IGSF21: variants seen among roughly 807,000 people sequenced by gnomAD.
The protein encoded by IGSF21 is immunoglobin superfamily member 21.
Under a neutral mutation model 46.8 loss-of-function variants are expected in IGSF21, and 28 were observed. That is an observed-to-expected ratio of 0.60 (90% CI 0.44 to 0.82). The LOEUF (loss-of-function observed/expected upper bound fraction) is 0.82, where lower values mean the gene tolerates loss of function less well. Among genes scored for constraint, IGSF21 ranks in the 40% least tolerant of loss-of-function variants. IGSF21 has a pLI of 0.00. For synonymous variants in IGSF21, 284 were observed against 273.6 expected (o/e 1.04, Z -0.38); for missense variants, 624 against 665.5 (o/e 0.94, Z 0.69).
chr1:18,142,458 T>G (rs780693557), intron 1 of IGSF21, among the ~76,000 whole-genome samples: 15 of 152,184 alleles, frequency 9.9e-5, no homozygotes, highest in Admixed American at 3.9e-4. Context: ...CTTGATCACC[T>G]GATGGTTCTT....
chr1:18,239,334 C>G (rs2084703178), intron 2 of IGSF21, among the ~76,000 whole-genome samples: 1 of 152,232 alleles, frequency 6.6e-6, no homozygotes, highest in African/African-American at 2.4e-5. Flanking sequence ...CCCTCCTCTC[C>G]CCACATTTTC....
chr1:18,282,705 G>T (rs899232236), intron 2 of IGSF21, among the ~76,000 whole-genome samples: 4 of 151,698 alleles, frequency 2.6e-5, no homozygotes, highest in African/African-American at 9.7e-5. Context: ...GAGGAGCAGG[G>T]TATATAATTG....
chr1:18,110,941 G>T (rs1355622872), intron 1 of IGSF21: 1 of 152,314 alleles, frequency 6.6e-6, no homozygotes, highest in Non-Finnish European at 1.5e-5. Context: ...CCCAGCCGGG[G>T]GTCTCCGGGA....
chr1:18,190,294 G>A (rs147747372), intron 1 of IGSF21, among the ~76,000 whole-genome samples: 22 of 152,258 alleles, frequency 1.4e-4, no homozygotes, highest in South Asian at 4.2e-4. Flanking sequence ...TGAGAGTACC[G>A]CAATCTCCTG....
chr1:18,349,894 TA>T lies in IGSF21; in HGVS notation c.425-12211del, dbSNP rs55887200. The stretch of plus-strand genomic sequence containing the variant: ...GACAACATAGGGAGACCCCATCTCT[TA>T]AAAAAAAAACCACTAAATTACAAAT... On this transcript the variant is annotated intron_variant, in intron 4 of 9. Coordinates refer to ENST00000251296, the MANE Select transcript of IGSF21 (RefSeq NM_032880.5). Among the ~76,000 whole-genome samples the T allele has an allele frequency of 1.9e-3, 287 of 148,696 alleles. 1 individual carries two copies. Among genetic ancestry groups the T allele is most frequent in the Non-Finnish European group, 2.9e-3 (193 of 67,072 alleles).
rs546098202 is a variant in IGSF21, at chr1:18,351,713, G to C, written c.425-10402G>C. Among the ~76,000 whole-genome samples the C allele has an allele frequency of 7.9e-5, 12 of 152,306 alleles. No individual in the cohort carries two copies. The South Asian group carries it at 2.5e-3, about 32-fold the overall frequency. On this transcript the variant is annotated intron_variant, in intron 4 of 9. Coordinates refer to ENST00000251296, the MANE Select transcript of IGSF21 (RefSeq NM_032880.5). ...TATGGTACCTGGTGAAATCGCCCGT[G>C]TGTGTAATACTCACCTCTCAGATAT... is the stretch of plus-strand genomic sequence containing the variant.
At chr1:18,154,516 T>C (rs1457189518) in intron 1 of IGSF21, among the ~76,000 whole-genome samples, 1 of 152,010 alleles carries the variant, frequency 6.6e-6, no homozygotes, top group Non-Finnish European at 1.5e-5. Flanking sequence ...GGCTCTGCCC[T>C]GAGAGAAGCT....
In IGSF21 at chr1:18,334,439, C is replaced by T. The variant is rs1437253250; in HGVS notation, c.306-453C>T. ...TGAGTTCCGTCCTGAGCCTCAGTTT[C>T]CTTGTTTATGAAATGGGAATATGGA... is the stretch of plus-strand genomic sequence containing the variant. On this transcript the variant is annotated intron_variant, in intron 3 of 9. Transcript: ENST00000251296. The surrounding 1 kb of genome is among the most constrained non-coding windows in gnomAD (Gnocchi z 4.3). 6.6e-6 allele frequency among the ~76,000 whole-genome samples: 1 copy of T among 152,134 alleles called. No homozygotes were observed. The highest frequency in any genetic ancestry group is 1.9e-4 in the East Asian group (1 of 5,188).
chr1:18,367,500 AACCACTGAACTCACC>A (rs1309644129), intron 6 of IGSF21, among the ~76,000 whole-genome samples: 1 of 151,764 alleles, frequency 6.6e-6, no homozygotes, highest in Non-Finnish European at 1.5e-5. Flanking sequence ...CTACCATGCC[AACCACTGAACTCACC>A]AGCCCCAGGA....
chr1:18,155,241 C>A (rs2086557622), intron 1 of IGSF21, among the ~76,000 whole-genome samples: 1 of 152,188 alleles, frequency 6.6e-6, no homozygotes, highest in South Asian at 2.1e-4. Flanking sequence ...CCTGTTACAC[C>A]TGGCACCCAG....
intron 3 of IGSF21, among the ~76,000 whole-genome samples, chr1:18,304,365 G>A (rs1199361897): frequency 6.6e-6 from 1 of 152,130 alleles, no homozygotes; most frequent in South Asian, 2.1e-4. Context: ...ACAAATATGG[G>A]AGCCACCAAC....
intron 2 of IGSF21, among the ~76,000 whole-genome samples, chr1:18,243,257 C>T (rs2084750938): frequency 6.6e-6 from 1 of 152,158 alleles, no homozygotes; most frequent in Non-Finnish European, 1.5e-5. Flanking sequence ...TGCATTTCTT[C>T]CCTAAACCTA....
chr1:18,179,337 C>G (rs1272104832), intron 1 of IGSF21: 1 of 152,224 alleles, frequency 6.6e-6, no homozygotes, highest in Admixed American at 6.5e-5. Flanking sequence ...CAGACTCCCA[C>G]CCCCATCCCT....
intron 1 of IGSF21, among the ~76,000 whole-genome samples, chr1:18,137,095 T>C (rs1452216483): frequency 6.6e-6 from 1 of 152,166 alleles, no homozygotes; most frequent in Non-Finnish European, 1.5e-5. Flanking sequence ...AGCATAGCAC[T>C]GGCATCTGTT....
intron 3 of IGSF21, among the ~76,000 whole-genome samples, chr1:18,320,722 G>A (rs753723497): frequency 6.6e-6 from 1 of 152,178 alleles, no homozygotes; most frequent in Non-Finnish European, 1.5e-5. Flanking sequence ...CTTGTTGATG[G>A]GCCCCTGGAC....
chr1:18,356,848 T>C (rs1362956226), intron 4 of IGSF21, among the ~76,000 whole-genome samples: 2 of 150,826 alleles, frequency 1.3e-5, no homozygotes, highest in Non-Finnish European at 3.0e-5. Flanking sequence ...GGAATGGAGG[T>C]GGGATAGAGA....
intron 1 of IGSF21, among the ~76,000 whole-genome samples, chr1:18,156,698 G>A (rs548278611): frequency 6.6e-6 from 1 of 152,202 alleles, no homozygotes; most frequent in Admixed American, 6.5e-5. Context: ...AACAAGTTGA[G>A]CTGCCACTAA....
chr1:18,153,511 A>G (rs1156265926), intron 1 of IGSF21, among the ~76,000 whole-genome samples: 1 of 152,218 alleles, frequency 6.6e-6, no homozygotes, highest in Admixed American at 6.5e-5. Context: ...AATAACAGGC[A>G]GGAAGAACAA....
chr1:18,108,097 CG>C lies in IGSF21; in HGVS notation c.-31del. ...CCGCCGCCACCGCCTCCACCCCCGCCGCCCCGCCACCGCCGCCAGCTCCCGG... is the reference window on the plus strand; with the variant it reads ...CCGCCGCCACCGCCTCCACCCCCGCCCCCCGCCACCGCCGCCAGCTCCCGG... On this transcript the variant is annotated 5_prime_UTR_variant, in exon 1 of 10. Coordinates refer to ENST00000251296, the MANE Select transcript of IGSF21 (RefSeq NM_032880.5). The C allele has an allele frequency of 4.3e-6, 5 of 1,149,780 alleles. No homozygotes were observed. The highest frequency in any genetic ancestry group is 5.8e-6 in the Non-Finnish European group (5 of 858,044). 71.2% of individuals were successfully genotyped at this position (1,149,780 alleles called of 1,614,324 possible). A position where few individuals can be genotyped will look rare whatever the true frequency, so the allele number is the denominator to read the frequency against.
Sources: gnomAD v4.1 joint callset for allele counts (sites outside exome capture counted in the v4.1 genomes callset) on GRCh38, gnomAD v4.1.1 for gene constraint, Gnocchi (gnomAD v3.1) non-coding constraint, MANE v1.5 for transcripts, NCBI Gene and HGNC (gene_info 2026-07-23, HGNC 2026-07-21) for gene names.